The following CCNYL1 variants were observed in gnomAD, a reference collection of about 807,000 sequenced individuals.
The protein encoded by CCNYL1 is cyclin Y like 1, also known as cyclin-Y-like protein 1.
CCNYL1 carries 16 observed loss-of-function variants against 44.2 expected under a neutral mutation model. The ratio of observed to expected loss-of-function variants is 0.36; its 90% CI spans 0.25 to 0.55. The LOEUF is 0.55. Ranked by LOEUF, CCNYL1 falls within the 20% of genes least tolerant of loss-of-function variation. The pLI is 0.85. For missense variants in CCNYL1, 348 were observed against 451.8 expected (o/e 0.77, Z 2.08); for synonymous variants, 159 against 163.2 (o/e 0.97, Z 0.20).
intron 3 of CCNYL1, among the ~76,000 whole-genome samples, chr2:207,729,250 G>GCCCCCCCCCCCCCCCCCCCCCCCCCCC (rs1247562126): frequency 2.9e-5 from 2 of 68,188 alleles, no homozygotes; most frequent in African/African-American, 8.8e-5. Context: ...ACTTGTCTCC[G>GCCCCCCCCCCCCCCCCCCCCCCCCCCC]CCCCCCCCCG....
At chr2:207,748,482 C>T (rs1169053158) in intron 8 of CCNYL1, among the ~76,000 whole-genome samples, 1 of 152,196 alleles carries the variant, frequency 6.6e-6, no homozygotes, top group Non-Finnish European at 1.5e-5. Flanking sequence ...GGCCTTGGAG[C>T]TTGGTAGGCA....
rs1420904257 is a variant in CCNYL1 at position 207,733,259 on chromosome 2, G to A, written c.331-688G>A. On this transcript the variant is annotated intron_variant, in intron 3 of 9. Transcript: ENST00000295414. ...AATTAATAACATTTTGAAATGGAGA[G>A]TGTTCTCTGAGGTTCTCATTTGAAT... is the stretch of plus-strand genomic sequence containing the variant. Among the ~76,000 whole-genome samples, 2 of 152,332 alleles carry A rather than the reference G, an allele frequency of 1.3e-5. 1 individual carries two copies. The highest frequency in any genetic ancestry group is 4.1e-4 in the South Asian group (2 of 4,826).
chr2:207,738,940 G>A (rs944286094), intron 5 of CCNYL1, among the ~76,000 whole-genome samples: 1 of 151,316 alleles, frequency 6.6e-6, no homozygotes, highest in Admixed American at 6.6e-5. Context: ...GGCTGGTCTT[G>A]AATTCCTGAG....
At chr2:207,745,396 C>T (rs950363683) in intron 7 of CCNYL1, among the ~76,000 whole-genome samples, 2 of 152,170 alleles carry the variant, frequency 1.3e-5, no homozygotes, top group African/African-American at 4.8e-5. Context: ...ATCAGCACAT[C>T]ACCAGCTTAC....
chr2:207,736,597 T>C (rs1448507354), intron 4 of CCNYL1, among the ~76,000 whole-genome samples: 2 of 152,240 alleles, frequency 1.3e-5, no homozygotes, highest in African/African-American at 4.8e-5. Context: ...CTAATAAATT[T>C]TCTACTAATG....
At position 207,735,370 on chromosome 2, in the gene CCNYL1, A is replaced by T. The variant is rs80311709; in HGVS notation, c.431+1323A>T. On this transcript the variant is annotated intron_variant, in intron 4 of 9. Coordinates refer to ENST00000295414, the MANE Select transcript of CCNYL1 (RefSeq NM_001330218.2). ...CAGAATCACTTACGCAACTTTTTTCAAAATATATGTCCACAAACAAATTCA... is the reference window on the plus strand; with the variant it reads ...CAGAATCACTTACGCAACTTTTTTCTAAATATATGTCCACAAACAAATTCA... Among the ~76,000 whole-genome samples, 614 of 152,336 alleles carry T rather than the reference A, an allele frequency of 4.0e-3. 26 individuals carry two copies. The East Asian group carries it at 0.084, about 21-fold the overall frequency.
At chr2:207,721,890 A>G (rs10174020) in intron 1 of CCNYL1, among the ~76,000 whole-genome samples, 1 of 151,934 alleles carries the variant, frequency 6.6e-6, no homozygotes, top group African/African-American at 2.4e-5. Flanking sequence ...GCAGTGCTAG[A>G]GTACAGCCCT....
At chr2:207,750,833 T>G in intron 8 of CCNYL1, 124 bp from the exon 9 acceptor site, 1 of 767,746 alleles carries the variant, frequency 1.3e-6, no homozygotes, top group Non-Finnish European at 2.1e-6. Flanking sequence ...TTAATACAAC[T>G]GGGTAGCCTA....
At chr2:207,717,439 A>G (rs1294846442) in intron 1 of CCNYL1, among the ~76,000 whole-genome samples, 1 of 152,224 alleles carries the variant, frequency 6.6e-6, no homozygotes, top group Non-Finnish European at 1.5e-5. Context: ...ACAGTGGTAT[A>G]CAAGACAGAA....
chr2:207,716,880 C>T (rs1051561789), intron 1 of CCNYL1, among the ~76,000 whole-genome samples: 39 of 152,174 alleles, frequency 2.6e-4, no homozygotes, highest in African/African-American at 8.2e-4. Flanking sequence ...GAGGCCGAGG[C>T]GGGTGGATCA....
Position 207,735,266 on chromosome 2 carries a change from T to C in CCNYL1, c.431+1219T>C, listed in dbSNP as rs567228151. Among the ~76,000 whole-genome samples, 28 of 152,340 alleles carry C rather than the reference T, an allele frequency of 1.8e-4. No homozygotes were observed. In the South Asian group the frequency reaches 2.9e-3, roughly 16 times the overall value. On this transcript the variant is annotated intron_variant, in intron 4 of 9. Coordinates refer to ENST00000295414, the MANE Select transcript of CCNYL1 (RefSeq NM_001330218.2). ...ATAAAGGTTTCACAAGTATGGCAAATTGACTTTTAGGAAAGATTTTGAAAA... is the reference window on the plus strand; with the variant it reads ...ATAAAGGTTTCACAAGTATGGCAAACTGACTTTTAGGAAAGATTTTGAAAA...
chr2:207,737,326 C>T, intron 4 of CCNYL1, 85 bp from the exon 5 acceptor site: 1 of 1,000,594 alleles, frequency 1.0e-6, no homozygotes, highest in Non-Finnish European at 1.6e-6. Flanking sequence ...AGGAGGGTTC[C>T]TCCCTTCCCT....
rs567552036 is a variant in CCNYL1, at chr2:207,751,995, G to A, written c.969+876G>A. Among the ~76,000 whole-genome samples the A allele has an allele frequency of 2.2e-3, 334 of 151,478 alleles. 2 individuals are homozygous for A. Among genetic ancestry groups the A allele is most frequent in the African/African-American group, 7.5e-3 (311 of 41,286 alleles). On this transcript the variant is annotated intron_variant, in intron 9 of 9. Coordinates refer to ENST00000295414, the MANE Select transcript of CCNYL1 (RefSeq NM_001330218.2). ...GGTTGCAGTGAGCCAAGATTGCACCGCTGCACTCTAGCCTAGGTGACGGAG... is the reference window on the plus strand; with the variant it reads ...GGTTGCAGTGAGCCAAGATTGCACCACTGCACTCTAGCCTAGGTGACGGAG...
intron 3 of CCNYL1, among the ~76,000 whole-genome samples, chr2:207,733,100 C>T (rs775182473): frequency 7.2e-5 from 11 of 151,936 alleles, no homozygotes; most frequent in Non-Finnish European, 1.6e-4. Context: ...GGTGTGGCTG[C>T]GGGCAAAGGG....
rs559200149 is a variant in CCNYL1, at chr2:207,733,303, T to C, written c.331-644T>C. 2.1e-3 allele frequency among the ~76,000 whole-genome samples: 321 copies of C among 152,350 alleles called. 2 individuals carry two copies. Among genetic ancestry groups the C allele is most frequent in the African/African-American group, 7.5e-3 (311 of 41,576 alleles). The stretch of plus-strand genomic sequence containing the variant: ...TTTGAATAATGTAATGGCAGTTTTA[T>C]TTAAATATGAAGTGCAAGTTAAATT... On this transcript the variant is annotated intron_variant, in intron 3 of 9. Coordinates refer to ENST00000295414, the MANE Select transcript of CCNYL1 (RefSeq NM_001330218.2).
At chr2:207,718,700 C>T (rs192969257) in intron 1 of CCNYL1, among the ~76,000 whole-genome samples, 228 of 152,222 alleles carry the variant, frequency 1.5e-3, no homozygotes, top group Middle Eastern at 3.4e-3. Flanking sequence ...GGTGTGGCTG[C>T]GAAGAGTTGC....
At chr2:207,738,953 C>G (rs2091787143) in intron 5 of CCNYL1, among the ~76,000 whole-genome samples, 1 of 151,536 alleles carries the variant, frequency 6.6e-6, no homozygotes, top group African/African-American at 2.4e-5. Context: ...TTCCTGAGCT[C>G]AAGCAATCCG....
At position 207,724,869 on chromosome 2, in the gene CCNYL1, C is replaced by T. The variant is rs542007393; in HGVS notation, c.290C>T (p.Thr97Met). Residue 97 changes from threonine (T) to methionine (M), a missense_variant, in exon 2 of 10, where the codon ACG becomes ATG. Thr to Met is a moderately conservative substitution (Grantham distance 81). Around this residue, in one of 3 missense-constraint regions of CCNYL1, gnomAD observed 209 missense variants for 247.7 expected, o/e 0.84. Coordinates refer to ENST00000295414, the MANE Select transcript of CCNYL1 (RefSeq NM_001330218.2). ...ACAATTTTCCTGAGCAAATCTCAAA[C>T]GGATGGTAAGACAATACTGTTTTTT... ...ASTIFLSKSQ[T>M]DVREKRKSNH... The T allele has an allele frequency of 2.9e-5, 46 of 1,610,644 alleles. 4 individuals are homozygous for T. The highest frequency in any genetic ancestry group is 2.0e-4 in the South Asian group (18 of 90,564).
chr2:207,731,594 G>C (rs1489926648), intron 3 of CCNYL1, among the ~76,000 whole-genome samples: 3 of 151,950 alleles, frequency 2.0e-5, no homozygotes, highest in East Asian at 3.9e-4. Context: ...CTTTGGTAAG[G>C]CTTTAGCCTA....
Sources: allele counts gnomAD v4.1 joint callset (sites outside exome capture counted in the v4.1 genomes callset), GRCh38; gene constraint gnomAD v4.1.1; regional missense constraint gnomAD v4.1.1; transcripts MANE v1.5; gene names NCBI Gene and HGNC (gene_info 2026-07-23, HGNC 2026-07-21).